Variants in ZCCHC7 observed in about 807,000 individuals in gnomAD.
ZCCHC7 encodes the protein zinc finger CCHC-type containing 7, also known as zinc finger CCHC domain-containing protein 7.
In ZCCHC7, 35 loss-of-function variants were observed where a neutral mutation model predicts 52.0. The observed-to-expected ratio is 0.67, with a 90% CI of 0.51 to 0.89. The LOEUF (loss-of-function observed/expected upper bound fraction) is 0.89, where lower values mean the gene tolerates loss of function less well. ZCCHC7 is among the 40% of genes least tolerant of loss of function. The probability of loss-of-function intolerance (pLI) is 0.00; values close to 1 mark genes in which losing one functional copy is unlikely to be tolerated. For missense variants in ZCCHC7, 574 were observed against 649.1 expected (o/e 0.88, Z 1.26); for synonymous variants, 217 against 221.5 (o/e 0.98, Z 0.18).
Position 37,126,528 on chromosome 9 carries a change from A to C in ZCCHC7, c.196A>C (p.Ser66Arg). ...GAACTCTGGGAATTCGGAATCTTCG[A>C]GTAGTAAACCAAATCAGAAGAAGCT... ...EKNSGNSESSSSKPNQKKLIV... is the reference protein window; with the variant it reads ...EKNSGNSESSRSKPNQKKLIV... Residue 66 changes from serine to arginine, a missense_variant, in exon 2 of 9, where the codon AGT (serine) becomes CGT (arginine). By Grantham distance (110) the Ser-to-Arg change is moderately radical. Coordinates refer to ENST00000336755, the MANE Select transcript of ZCCHC7 (RefSeq NM_032226.3). 6.2e-7 allele frequency: 1 copy of C among 1,614,058 alleles called. No homozygotes were observed. The highest frequency in any genetic ancestry group is 8.5e-7 in the Non-Finnish European group (1 of 1,180,036).
In ZCCHC7 at chr9:37,351,597, A is replaced by T. The variant is rs77322258; in HGVS notation, c.1083+2145A>T. ...GTTGAGATTACAGAAGTGAGCTACC[A>T]TGCCCAGCCAAGAAGACTTCTTTTA... On this transcript the variant is annotated intron_variant, in intron 7 of 8. Coordinates refer to ENST00000336755, the MANE Select transcript of ZCCHC7 (RefSeq NM_032226.3). Among the ~76,000 whole-genome samples, 82 of 152,326 alleles carry T rather than the reference A, an allele frequency of 5.4e-4. No homozygotes were observed. In the East Asian group the frequency reaches 0.015, roughly 28 times the overall value.
intron 2 of ZCCHC7, among the ~76,000 whole-genome samples, chr9:37,199,686 G>T (rs1379171151): frequency 3.3e-5 from 5 of 149,978 alleles, no homozygotes; most frequent in African/African-American, 1.2e-4. Context: ...CTGTCTGTCT[G>T]TCTTTCTGTC....
intron 2 of ZCCHC7, among the ~76,000 whole-genome samples, chr9:37,171,140 G>A (rs550971523): frequency 6.6e-6 from 1 of 152,326 alleles, no homozygotes; most frequent in East Asian, 1.9e-4. Flanking sequence ...AAAATTGGAA[G>A]CGACACCTTA....
chr9:37,315,617 A>G (rs1050637186), intron 5 of ZCCHC7, among the ~76,000 whole-genome samples: 5 of 151,898 alleles, frequency 3.3e-5, no homozygotes, highest in African/African-American at 1.2e-4. Context: ...ACGGTGAGGT[A>G]GTTTCAGATA....
chr9:37,191,233 T>C (rs1293456405), intron 2 of ZCCHC7, among the ~76,000 whole-genome samples: 1 of 152,196 alleles, frequency 6.6e-6, no homozygotes, highest in African/African-American at 2.4e-5. Flanking sequence ...TTATGTCTTT[T>C]CTAATTTGTC....
chr9:37,185,410 T>A (rs962307319), intron 2 of ZCCHC7, among the ~76,000 whole-genome samples: 3 of 152,354 alleles, frequency 2.0e-5, no homozygotes, highest in African/African-American at 7.2e-5. Context: ...TGTATTATTT[T>A]GCATATAAAT....
At chr9:37,334,532 CTT>C (rs1219970434) in intron 6 of ZCCHC7, among the ~76,000 whole-genome samples, 1 of 151,920 alleles carries the variant, frequency 6.6e-6, no homozygotes, top group Non-Finnish European at 1.5e-5. Context: ...TGGTGATAAA[CTT>C]AAGTTTTAGG....
intron 2 of ZCCHC7, among the ~76,000 whole-genome samples, chr9:37,202,766 G>A (rs1041408811): frequency 1.3e-5 from 2 of 152,246 alleles, no homozygotes; most frequent in African/African-American, 4.8e-5. Context: ...ATAGGCGTAA[G>A]CCATCACGCC....
chr9:37,318,628 G>T (rs147463822), intron 5 of ZCCHC7, among the ~76,000 whole-genome samples: 1 of 151,988 alleles, frequency 6.6e-6, no homozygotes, highest in East Asian at 1.9e-4. Context: ...AAAAGTTTGA[G>T]TGGGCCCTGT....
chr9:37,315,372 G>T (rs897732618), intron 5 of ZCCHC7, among the ~76,000 whole-genome samples: 2 of 151,932 alleles, frequency 1.3e-5, no homozygotes, highest in Non-Finnish European at 2.9e-5. Context: ...CAGGATTTCA[G>T]TTTAATAGTA....
chr9:37,262,766 C>G (rs567038139), intron 2 of ZCCHC7, among the ~76,000 whole-genome samples: 2 of 152,144 alleles, frequency 1.3e-5, no homozygotes, highest in Non-Finnish European at 2.9e-5. Context: ...TCTTAAAAGA[C>G]ATTGTTGACA....
chr9:37,319,055 G>A (rs182983845), intron 5 of ZCCHC7, among the ~76,000 whole-genome samples: 158 of 151,740 alleles, frequency 1.0e-3, no homozygotes, highest in African/African-American at 3.6e-3. Flanking sequence ...CTTTATTTGC[G>A]AGTTCTATAT....
chr9:37,288,764 G>A (rs927275523), intron 2 of ZCCHC7, among the ~76,000 whole-genome samples: 9 of 152,014 alleles, frequency 5.9e-5, no homozygotes, highest in African/African-American at 9.7e-5. Flanking sequence ...AGTTGGTTAC[G>A]GGGCACTGAC....
In ZCCHC7 at chr9:37,216,016, G is replaced by A. The variant is rs528876540; in HGVS notation, c.611-86172G>A. Among the ~76,000 whole-genome samples, 254 of 152,128 alleles carry A rather than the reference G, an allele frequency of 1.7e-3. 1 individual carries two copies. The highest frequency in any genetic ancestry group is 3.3e-3 in the Non-Finnish European group (226 of 68,018). ...ATCATTATTCACAGTTAAAGGATTA[G>A]CAATAATCCTTTTGCTACACTCCCA... On this transcript the variant is annotated intron_variant, in intron 2 of 8. Coordinates refer to ENST00000336755, the MANE Select transcript of ZCCHC7 (RefSeq NM_032226.3).
chr9:37,140,778 A>G lies in ZCCHC7; in HGVS notation c.610+13836A>G, dbSNP rs537432446. Among the ~76,000 whole-genome samples, 7 of 152,106 alleles carry G rather than the reference A, an allele frequency of 4.6e-5. No individual in the cohort carries two copies. In the East Asian group the frequency reaches 7.7e-4, roughly 17 times the overall value. ...GTCAGAGGAGTTCAAGTCGATTGCA[A>G]TTCAACTCTGTGATTGTGCCACCAG... On this transcript the variant is annotated intron_variant, in intron 2 of 8. Transcript: ENST00000336755.
chr9:37,224,174 T>C (rs1440391133), intron 2 of ZCCHC7, among the ~76,000 whole-genome samples: 1 of 152,122 alleles, frequency 6.6e-6, no homozygotes. Context: ...TTGCGAGAGT[T>C]TGAGATACTC....
intron 6 of ZCCHC7, among the ~76,000 whole-genome samples, chr9:37,337,905 T>C (rs950900382): frequency 4.6e-5 from 7 of 152,174 alleles, no homozygotes; most frequent in African/African-American, 1.7e-4. Context: ...AAAATTAAAA[T>C]AGACGGAGGG....
chr9:37,313,773 T>G (rs1829696824), intron 5 of ZCCHC7, among the ~76,000 whole-genome samples: 1 of 152,180 alleles, frequency 6.6e-6, no homozygotes, highest in South Asian at 2.1e-4. Context: ...TTGCTTCCCC[T>G]TCAACCTCCA....
At chr9:37,201,443 G>T (rs1003766653) in intron 2 of ZCCHC7, among the ~76,000 whole-genome samples, 1 of 152,116 alleles carries the variant, frequency 6.6e-6, no homozygotes, top group African/African-American at 2.4e-5. Flanking sequence ...TACGGCTAAG[G>T]AGCTGTTTTA....
Sources: allele counts gnomAD v4.1 joint callset (sites outside exome capture counted in the v4.1 genomes callset), GRCh38; gene constraint gnomAD v4.1.1; transcripts MANE v1.5; gene names NCBI Gene and HGNC (gene_info 2026-07-23, HGNC 2026-07-21).